The following ZBTB18 variants were observed in gnomAD, a reference collection of about 807,000 sequenced individuals.
The protein encoded by ZBTB18 is zinc finger and BTB domain containing 18, also known as zinc finger and BTB domain-containing protein 18.
ZBTB18 carries 2 observed loss-of-function variants against 37.7 expected under a neutral mutation model. The observed-to-expected ratio is 0.05, with a 90% CI of 0.02 to 0.17. The LOEUF (loss-of-function observed/expected upper bound fraction) is 0.17, where lower values mean the gene tolerates loss of function less well. ZBTB18 is among the 10% of genes least tolerant of loss of function. The pLI, the probability that ZBTB18 is intolerant of heterozygous loss-of-function variation, is 1.00. For missense variants in ZBTB18, 408 were observed against 686.3 expected (o/e 0.59, Z 4.53); for synonymous variants, 304 against 276.5 (o/e 1.10, Z -0.99).
intron 1 of ZBTB18, among the ~76,000 whole-genome samples, chr1:244,052,084 G>T (rs989895019): frequency 3.3e-5 from 5 of 152,174 alleles, no homozygotes; most frequent in African/African-American, 1.2e-4. Context: ...TTTTGTGTTA[G>T]CGACTAATTT....
chr1:244,050,994 A>C (rs1698338394), upstream of ZBTB18, among the ~76,000 whole-genome samples: 2 of 152,250 alleles, frequency 1.3e-5, no homozygotes, highest in Non-Finnish European at 2.9e-5. Context: ...CACCAACTTA[A>C]GACAGAAGTG....
chr1:244,052,587 A>G (rs1281401512), intron 1 of ZBTB18, among the ~76,000 whole-genome samples: 1 of 152,196 alleles, frequency 6.6e-6, no homozygotes, highest in Non-Finnish European at 1.5e-5. Flanking sequence ...TTTATTTTTC[A>G]GGAGTTTACC....
chr1:244,053,708 A>G lies in ZBTB18; in HGVS notation c.14-80A>G. On this transcript the variant is annotated intron_variant, in intron 1 of 1. Transcript: ENST00000358704. This position sits in a 1 kb window ranked among gnomAD's most constrained non-coding sequence, Gnocchi z 5.2. ...CATGTACCACGGCGGCCAAAGCGGA[A>G]TTAATTTTTTTATATGGGGACTGGA... is the stretch of plus-strand genomic sequence containing the variant. 6.6e-7 allele frequency: 1 copy of G among 1,525,150 alleles called. No individual in the cohort carries two copies. Among genetic ancestry groups the G allele is most frequent in the Non-Finnish European group, 8.8e-7 (1 of 1,139,234 alleles). The allele number at this position is 1,525,150 out of a possible 1,614,324, so 94.5% of individuals were successfully genotyped here.
chr1:244,050,276 G>T (rs533881848), upstream of ZBTB18, among the ~76,000 whole-genome samples: 4 of 152,184 alleles, frequency 2.6e-5, no homozygotes, highest in Admixed American at 2.6e-4. Context: ...CAGAGATGTC[G>T]CAGCACCCTG....
Position 244,053,088 on chromosome 1 carries a change from C to G in ZBTB18, c.14-700C>G, listed in dbSNP as rs932999194. Among the ~76,000 whole-genome samples, 1 of 152,194 alleles carries G rather than the reference C, an allele frequency of 6.6e-6. No homozygotes were observed. Among genetic ancestry groups the G allele is most frequent in the Non-Finnish European group, 1.5e-5 (1 of 68,034 alleles). On this transcript the variant is annotated intron_variant, in intron 1 of 1. Transcript: ENST00000358704. The surrounding 1 kb of genome is among the most constrained non-coding windows in gnomAD (Gnocchi z 5.2). ...TCATAGTAAAGATGATCTTTTCCAT[C>G]TGTTGGTGCAGCTCCTTCTGATCTC...
intron 1 of ZBTB18, among the ~76,000 whole-genome samples, chr1:244,051,980 CAGG>C (rs964416759): frequency 5.9e-5 from 9 of 152,274 alleles, no homozygotes; most frequent in Non-Finnish European, 8.8e-5. Flanking sequence ...CTTTTGTCCC[CAGG>C]AGAATAGTTT....
At position 244,054,286 on chromosome 1, in the gene ZBTB18, GAGA is replaced by G. The variant is rs765122181; in HGVS notation, c.516_518del (p.Glu172del). The G allele has an allele frequency of 1.9e-6, 3 of 1,614,150 alleles. No individual in the cohort carries two copies. The South Asian group carries it at 3.3e-5, about 18-fold the overall frequency. ...GATTTGCCCAGTGATGAAGATGAAG[GAGA>G]AGATGAAAAATTGAACATCCTGCCC... On this transcript the variant is annotated inframe_deletion, in exon 2 of 2. Transcript: ENST00000358704. This position sits in a 1 kb window ranked among gnomAD's most constrained non-coding sequence, Gnocchi z 9.0.
upstream of ZBTB18, among the ~76,000 whole-genome samples, chr1:244,049,286 G>A (rs1160911650): frequency 6.9e-6 from 1 of 145,834 alleles, no homozygotes. Flanking sequence ...CCGCGGGCCG[G>A]TGCAGCTGCG....
At chr1:244,051,028 A>G (rs1017022148), upstream of ZBTB18, among the ~76,000 whole-genome samples, 3 of 152,236 alleles carry the variant, frequency 2.0e-5, no homozygotes, top group African/African-American at 7.2e-5. Flanking sequence ...AATACAGTAG[A>G]ACTCCATATG....
At chr1:244,048,628 G>GCCCCCCCCCCCCCCCCCCCCC (rs1325001619), upstream of ZBTB18, among the ~76,000 whole-genome samples, 24 of 79,486 alleles carry the variant, frequency 3.0e-4, 2 homozygotes, top group Admixed American at 5.0e-4. Flanking sequence ...CCCCGCGCCC[G>GCCCCCCCCCCCCCCCCCCCCC]CCCCCCCCCC....
At position 244,054,500 on chromosome 1, in the gene ZBTB18, G is replaced by A. The variant is rs761237988; in HGVS notation, c.726G>A (p.Ser242=). The A allele has an allele frequency of 1.1e-5, 17 of 1,614,088 alleles. No individual in the cohort carries two copies. The highest frequency in any genetic ancestry group is 9.3e-5 in the African/African-American group (7 of 74,932). The part of the protein sequence containing the change: ...SQRSVTSVRD[S]ADVDCVLDLS... ...GGTCTGTCACCTCCGTGAGGGATTC[G>A]GCAGATGTTGACTGTGTGCTGGACC... Residue 242 remains serine (S), a synonymous_variant, in exon 2 of 2, where the codon TCG becomes TCA. Coordinates refer to ENST00000358704, the MANE Select transcript of ZBTB18 (RefSeq NM_205768.3). The surrounding 1 kb of genome is among the most constrained non-coding windows in gnomAD (Gnocchi z 9.0).
chr1:244,056,551 C>T lies in ZBTB18; in HGVS notation c.*1181C>T, dbSNP rs112497158. The stretch of plus-strand genomic sequence containing the variant: ...GTACACATTTACCCAGTTGAGCGTT[C>T]TTAGAATAACTACTGCACAAGTTGA... On this transcript the variant is annotated 3_prime_UTR_variant, in exon 2 of 2. Coordinates refer to ENST00000358704, the MANE Select transcript of ZBTB18 (RefSeq NM_205768.3). 4.3e-4 allele frequency: 72 copies of T among 167,218 alleles called. No individual in the cohort carries two copies. The highest frequency in any genetic ancestry group is 1.6e-3 in the African/African-American group (65 of 41,586). 10.4% of individuals were successfully genotyped at this position (167,218 alleles called of 1,614,324 possible). A position where few individuals can be genotyped will look rare whatever the true frequency, so the allele number is the denominator to read the frequency against.
In ZBTB18 at chr1:244,054,073, A is replaced by G. The variant is rs2148556202; in HGVS notation, c.299A>G (p.Asp100Gly). The change falls in exon 2 of 2, where the codon GAC becomes GGC. Residue 100 changes from aspartate (D) to glycine (G), a missense_variant. Coordinates refer to ENST00000358704, the MANE Select transcript of ZBTB18 (RefSeq NM_205768.3). The surrounding 1 kb of genome is among the most constrained non-coding windows in gnomAD (Gnocchi z 9.0). ...TATGAAGGGAAACTCCAGTTCAAAG[A>G]CTTGCCCATTGAAGACGTGCTAGCA... is the stretch of plus-strand genomic sequence containing the variant. ...FMYEGKLQFK[D>G]LPIEDVLAAA... is the part of the protein sequence containing the mutation. 3 of 1,614,072 alleles carry G rather than the reference A, an allele frequency of 1.9e-6. No individual in the cohort carries two copies. Among genetic ancestry groups the G allele is most frequent in the Non-Finnish European group, 2.5e-6 (3 of 1,180,026 alleles).
At position 244,054,966 on chromosome 1, in the gene ZBTB18, C is replaced by G. The variant is rs1309451558; in HGVS notation, c.1192C>G (p.Leu398Val). The change falls in exon 2 of 2, where the codon CTG (leucine) becomes GTG (valine). Residue 398 changes from leucine (L) to valine (V), a missense_variant. By Grantham distance (32) the Leu-to-Val change is conservative (BLOSUM62 1). This residue lies in a region of ZBTB18 where 266 missense variants were observed against 312.0 expected (regional missense o/e 0.85). Transcript: ENST00000358704. This position sits in a 1 kb window ranked among gnomAD's most constrained non-coding sequence, Gnocchi z 9.0. ...FPSPHILQIHLSTHFREQDGI... is the reference protein window; with the variant it reads ...FPSPHILQIHVSTHFREQDGI... ...CAGCCCCCACATCCTGCAGATCCAC[C>G]TGAGCACGCACTTCCGCGAGCAGGA... 6.2e-7 allele frequency: 1 copy of G among 1,614,096 alleles called. No individual in the cohort carries two copies. The highest frequency in any genetic ancestry group is 1.1e-5 in the South Asian group (1 of 91,078).
In ZBTB18 at chr1:244,055,960, G is replaced by C. The variant is rs1165006944; in HGVS notation, c.*590G>C. ...TGAGAGAAATGCTGAAAGTACACTGGGATCACTGGGACACTGTCTTATGAA... is the reference window on the plus strand; with the variant it reads ...TGAGAGAAATGCTGAAAGTACACTGCGATCACTGGGACACTGTCTTATGAA... On this transcript the variant is annotated 3_prime_UTR_variant, in exon 2 of 2. Transcript: ENST00000358704. The surrounding 1 kb of genome is among the most constrained non-coding windows in gnomAD (Gnocchi z 7.0). 6.0e-6 allele frequency: 1 copy of C among 167,004 alleles called. No homozygotes were observed. Among genetic ancestry groups the C allele is most frequent in the African/African-American group, 2.4e-5 (1 of 41,430 alleles). The allele number at this position is 167,004 out of a possible 1,614,324, so 10.3% of individuals were successfully genotyped here. A position where few individuals can be genotyped will look rare whatever the true frequency, so the allele number is the denominator to read the frequency against.
rs1572530407 is a variant in ZBTB18 at position 244,053,778 on chromosome 1, C to T, written c.14-10C>T. The T allele has an allele frequency of 1.9e-6, 3 of 1,590,174 alleles. No individual in the cohort carries two copies. The highest frequency in any genetic ancestry group is 2.6e-6 in the Non-Finnish European group (3 of 1,166,532). On this transcript the variant is annotated splice_polypyrimidine_tract_variant and intron_variant, in intron 1 of 1. Transcript: ENST00000358704. The surrounding 1 kb of genome is among the most constrained non-coding windows in gnomAD (Gnocchi z 5.2). ...GACCAGGCTCTAATGAGAAATTCCTCTCTCCCCAGGTTATGAAGACAGTAT... is the reference window on the plus strand; with the variant it reads ...GACCAGGCTCTAATGAGAAATTCCTTTCTCCCCAGGTTATGAAGACAGTAT...
At chr1:244,049,035 C>G (rs1331237676), upstream of ZBTB18, 2 of 147,184 alleles carry the variant, frequency 1.4e-5, no homozygotes, top group African/African-American at 4.9e-5. Flanking sequence ...CCTGGCGCCC[C>G]CTCCGCGCCC....
At chr1:244,050,434 ACC>A (rs5782283), upstream of ZBTB18, among the ~76,000 whole-genome samples, 14 of 133,714 alleles carry the variant, frequency 1.0e-4, no homozygotes, top group Middle Eastern at 3.8e-3. Flanking sequence ...CATTAGAGTG[ACC>A]CCCCCCCAAA....
chr1:244,052,421 A>G (rs1232806377), intron 1 of ZBTB18, among the ~76,000 whole-genome samples: 1 of 152,246 alleles, frequency 6.6e-6, no homozygotes, highest in East Asian at 1.9e-4. Flanking sequence ...GTTAGGATAA[A>G]GTTTTAGTCT....
Sources: allele counts gnomAD v4.1 joint callset (sites outside exome capture counted in the v4.1 genomes callset), GRCh38; gene constraint gnomAD v4.1.1; regional missense constraint gnomAD v4.1.1; non-coding constraint Gnocchi (gnomAD v3.1); transcripts MANE v1.5; gene names NCBI Gene and HGNC (gene_info 2026-07-23, HGNC 2026-07-21).